PDZRN3: variants seen among roughly 807,000 people sequenced by gnomAD.
PDZRN3 encodes the protein E3 ubiquitin-protein ligase PDZRN3.
PDZRN3 carries 38 observed loss-of-function variants against 85.7 expected under a neutral mutation model. That is an observed-to-expected ratio of 0.44 (90% CI 0.34 to 0.58). The LOEUF (loss-of-function observed/expected upper bound fraction) is 0.58. Ranked by LOEUF, PDZRN3 falls within the 20% of genes least tolerant of loss-of-function variation. The probability of loss-of-function intolerance (pLI) is 0.01; values close to 1 mark genes in which losing one functional copy is unlikely to be tolerated. For synonymous variants in PDZRN3, 759 were observed against 638.0 expected (o/e 1.19, Z -2.86); for missense variants, 1,629 against 1,506.4 (o/e 1.08, Z -1.35).
intron 1 of PDZRN3, 82 bp from the exon 2 acceptor site, chr3:73,608,766 C>A: frequency 1.2e-6 from 1 of 808,862 alleles, no homozygotes. Flanking sequence ...TAAGTGTACT[C>A]AAGGACTACT....
chr3:73,471,411 A>T (rs1042698297), intron 3 of PDZRN3, among the ~76,000 whole-genome samples: 2 of 152,162 alleles, frequency 1.3e-5, no homozygotes, highest in South Asian at 2.1e-4. Context: ...CACCTAGTTT[A>T]CAGTACTTTG....
At chr3:73,447,126 C>A (rs1702766181) in intron 3 of PDZRN3, among the ~76,000 whole-genome samples, 1 of 149,280 alleles carries the variant, frequency 6.7e-6, no homozygotes, top group South Asian at 2.1e-4. Flanking sequence ...ATTTTGCAAT[C>A]CATTTATTTG....
chr3:73,538,578 C>T (rs1704844488), intron 3 of PDZRN3, among the ~76,000 whole-genome samples: 1 of 152,172 alleles, frequency 6.6e-6, no homozygotes, highest in Admixed American at 6.5e-5. Flanking sequence ...TTATGTCGAG[C>T]TCTTTCTTTT....
chr3:73,519,905 T>C (rs1264806511), intron 3 of PDZRN3, among the ~76,000 whole-genome samples: 1 of 152,142 alleles, frequency 6.6e-6, no homozygotes, highest in Non-Finnish European at 1.5e-5. Flanking sequence ...TGGCCAGAGC[T>C]GCCATAGACA....
chr3:73,467,047 T>A (rs1559694764), intron 3 of PDZRN3, among the ~76,000 whole-genome samples: 1 of 152,164 alleles, frequency 6.6e-6, no homozygotes. Flanking sequence ...TCTACAGTCA[T>A]AATCTAGGGA....
chr3:73,484,371 G>C lies in PDZRN3; in HGVS notation c.919-79976C>G, dbSNP rs571990561. Among the ~76,000 whole-genome samples, 7 of 152,204 alleles carry C rather than the reference G, an allele frequency of 4.6e-5. No homozygotes were observed. In the South Asian group the frequency reaches 6.2e-4, roughly 14 times the overall value. ...GTTGCCAAAGTCATGAGATTACCCA[G>C]TGTATGCACCAGAGTGGTGAGGTCA... On this transcript the variant is annotated intron_variant, in intron 3 of 9. Transcript: ENST00000263666.
At chr3:73,549,278 A>G (rs1265990330) in intron 3 of PDZRN3, among the ~76,000 whole-genome samples, 1 of 152,192 alleles carries the variant, frequency 6.6e-6, no homozygotes, top group African/African-American at 2.4e-5. Context: ...AATTTTCATG[A>G]TTACTATTCA....
At chr3:73,552,656 C>T (rs994723593) in intron 3 of PDZRN3, among the ~76,000 whole-genome samples, 1 of 152,130 alleles carries the variant, frequency 6.6e-6, no homozygotes, top group Non-Finnish European at 1.5e-5. Context: ...CAAGGCATCG[C>T]TATTTATGTT....
At chr3:73,391,960 C>A (rs1286038378) in intron 5 of PDZRN3, among the ~76,000 whole-genome samples, 3 of 152,146 alleles carry the variant, frequency 2.0e-5, no homozygotes, top group African/African-American at 7.2e-5. Flanking sequence ...TATCTGCTCA[C>A]CAAGCAGGAG....
At chr3:73,417,027 G>A (rs756292204) in intron 3 of PDZRN3, among the ~76,000 whole-genome samples, 11 of 151,458 alleles carry the variant, frequency 7.3e-5, no homozygotes, top group Admixed American at 2.0e-4. Context: ...GATGGCATGC[G>A]CCATCAGGCC....
At chr3:73,474,180 T>C (rs1703403879) in intron 3 of PDZRN3, among the ~76,000 whole-genome samples, 1 of 152,190 alleles carries the variant, frequency 6.6e-6, no homozygotes, top group African/African-American at 2.4e-5. Flanking sequence ...ACTGCCACGT[T>C]GATAGGCACT....
intron 3 of PDZRN3, among the ~76,000 whole-genome samples, chr3:73,429,293 A>C (rs1702382888): frequency 6.6e-6 from 1 of 152,200 alleles, no homozygotes; most frequent in Non-Finnish European, 1.5e-5. Flanking sequence ...AGCTTTTAGA[A>C]TTAATAGGCT....
intron 3 of PDZRN3, among the ~76,000 whole-genome samples, chr3:73,545,278 A>G (rs1396281504): frequency 6.6e-6 from 1 of 152,188 alleles, no homozygotes; most frequent in Admixed American, 6.5e-5. Flanking sequence ...ATAGGTGATA[A>G]TAACAGCAAC....
chr3:73,565,793 ACACACACACACACACACACACACACAC>A (rs1701936633), intron 3 of PDZRN3, among the ~76,000 whole-genome samples: 1 of 145,066 alleles, frequency 6.9e-6, no homozygotes, highest in African/African-American at 2.8e-5. Flanking sequence ...CAAAACACAC[ACACACACACACACACACACACACACAC>A]ACACACACAC....
chr3:73,421,182 C>A (rs1410906338), intron 3 of PDZRN3, among the ~76,000 whole-genome samples: 1 of 152,122 alleles, frequency 6.6e-6, no homozygotes, highest in Non-Finnish European at 1.5e-5. Flanking sequence ...AAAGAGCCTA[C>A]ACTGTGCCAT....
At chr3:73,533,331 G>A (rs1575716208) in intron 3 of PDZRN3, among the ~76,000 whole-genome samples, 2 of 152,132 alleles carry the variant, frequency 1.3e-5, no homozygotes. Flanking sequence ...CTTGACAATG[G>A]AGCCATTGCG....
chr3:73,474,445 T>C (rs1190898825), intron 3 of PDZRN3: 4 of 1,272,526 alleles, frequency 3.1e-6, no homozygotes, highest in Non-Finnish European at 4.1e-6. Flanking sequence ...GTGGAGCAGA[T>C]TAAACTCACC....
chr3:73,583,781 A>G (rs1259183289), intron 3 of PDZRN3, among the ~76,000 whole-genome samples: 2 of 152,144 alleles, frequency 1.3e-5, no homozygotes, highest in Non-Finnish European at 2.9e-5. Flanking sequence ...CGTATGATGG[A>G]AGGACTGATC....
intron 3 of PDZRN3, among the ~76,000 whole-genome samples, chr3:73,459,692 T>C (rs1188994601): frequency 6.6e-6 from 1 of 152,226 alleles, no homozygotes; most frequent in African/African-American, 2.4e-5. Flanking sequence ...GTCTTCTTCT[T>C]TTTACGGCTG....
Sources: gnomAD v4.1 joint callset for allele counts (sites outside exome capture counted in the v4.1 genomes callset) on GRCh38, gnomAD v4.1.1 for gene constraint, MANE v1.5 for transcripts, NCBI Gene and HGNC (gene_info 2026-07-23, HGNC 2026-07-21) for gene names.